MBNL2: variants seen among roughly 807,000 people sequenced by gnomAD.
The protein encoded by MBNL2 is muscleblind-like protein 2.
A neutral mutation model predicts 41.9 loss-of-function variants in MBNL2; 17 were observed. That is an observed-to-expected ratio of 0.41 (90% confidence interval 0.28 to 0.61). MBNL2 has a LOEUF of 0.61. Among genes scored for constraint, MBNL2 ranks in the 20% least tolerant of loss-of-function variants. The pLI, the probability that MBNL2 is intolerant of heterozygous loss-of-function variation, is 0.35. For synonymous variants in MBNL2, 195 were observed against 182.9 expected (o/e 1.07, Z -0.53); for missense variants, 336 against 505.6 (o/e 0.66, Z 3.22).
At chr13:97,270,552 G>A (rs1423001351) in intron 1 of MBNL2, among the ~76,000 whole-genome samples, 2 of 152,008 alleles carry the variant, frequency 1.3e-5, no homozygotes, top group African/African-American at 4.8e-5. Context: ...ACTGAATCAA[G>A]GGTGAGTTTT....
intron 8 of MBNL2, among the ~76,000 whole-genome samples, chr13:97,368,099 C>T (rs2064013510): frequency 6.6e-6 from 1 of 152,118 alleles, no homozygotes; most frequent in Non-Finnish European, 1.5e-5. Flanking sequence ...ATTTTTATTA[C>T]AAAGTCCTTT....
intron 1 of MBNL2, among the ~76,000 whole-genome samples, chr13:97,271,270 G>C (rs568624358): frequency 1.1e-4 from 16 of 151,682 alleles, no homozygotes; most frequent in African/African-American, 3.6e-4. Flanking sequence ...CGTGTGCCAG[G>C]CTAATTTTTG....
the MBNL2 span, among the ~76,000 whole-genome samples, chr13:97,143,652 G>A: frequency 1.4e-4 from 22 of 152,276 alleles, no homozygotes; most frequent in African/African-American, 4.8e-4. Flanking sequence ...ACGGATTTCC[G>A]TATAATTTTA....
At chr13:97,345,918 G>A (rs577422020) in intron 4 of MBNL2, among the ~76,000 whole-genome samples, 6 of 152,230 alleles carry the variant, frequency 3.9e-5, no homozygotes, top group African/African-American at 1.4e-4. Flanking sequence ...CATACAAGTA[G>A]GTGATTGAAG....
At chr13:97,213,644 C>G in the MBNL2 span, among the ~76,000 whole-genome samples, 1 of 151,968 alleles carries the variant, frequency 6.6e-6, no homozygotes, top group Non-Finnish European at 1.5e-5. Flanking sequence ...TCTCGGGGTC[C>G]CATCTACATC....
At chr13:97,265,497 GTC>G (rs1032086735) in intron 1 of MBNL2, among the ~76,000 whole-genome samples, 4 of 152,322 alleles carry the variant, frequency 2.6e-5, no homozygotes, top group African/African-American at 7.2e-5. Context: ...TTAGAAGACA[GTC>G]TATCAAGGGC....
At position 97,346,439 on chromosome 13, in the gene MBNL2, T is replaced by G. The variant is rs886321064; in HGVS notation, c.541-365T>G. On this transcript the variant is annotated intron_variant, in intron 4 of 8. Transcript: ENST00000679496. This position sits in a 1 kb window ranked among gnomAD's most constrained non-coding sequence, Gnocchi z 4.2. ...AGGAATGGATGCATGGATAAATAGA[T>G]AGATGATAGATATATGGATGGATGG... 6.6e-6 allele frequency among the ~76,000 whole-genome samples: 1 copy of G among 151,998 alleles called. No individual in the cohort carries two copies. The highest frequency in any genetic ancestry group is 2.1e-4 in the South Asian group (1 of 4,802).
At chr13:97,243,888 A>T (rs183288398) in intron 1 of MBNL2, among the ~76,000 whole-genome samples, 2 of 152,158 alleles carry the variant, frequency 1.3e-5, no homozygotes, top group Non-Finnish European at 2.9e-5. Context: ...GTTATCATTC[A>T]TCAGAAGTGG....
chr13:97,178,228 T>A, the MBNL2 span, among the ~76,000 whole-genome samples: 1 of 152,218 alleles, frequency 6.6e-6, no homozygotes, highest in African/African-American at 2.4e-5. Flanking sequence ...AGGATGACAC[T>A]GAGAATGGTT....
At chr13:97,383,421 T>C (rs1481612568) in intron 8 of MBNL2, among the ~76,000 whole-genome samples, 1 of 152,254 alleles carries the variant, frequency 6.6e-6, no homozygotes, top group African/African-American at 2.4e-5. Flanking sequence ...ACAGTATTAT[T>C]GCTTTTCATG....
chr13:97,271,644 A>T (rs116601798), intron 1 of MBNL2, among the ~76,000 whole-genome samples: 2,258 of 151,824 alleles, frequency 0.015, 78 homozygotes, highest in African/African-American at 0.052. Flanking sequence ...ATGTGTTCTC[A>T]GTGTTTAACT....
chr13:97,281,518 A>T (rs1234729282), intron 2 of MBNL2, among the ~76,000 whole-genome samples: 1 of 152,182 alleles, frequency 6.6e-6, no homozygotes, highest in Non-Finnish European at 1.5e-5. Flanking sequence ...TGTCAAGTGT[A>T]AGTTGCTCAT....
rs1398535842 is a variant in MBNL2, at chr13:97,393,180, CT to C, written c.*1734del. 10 of 152,482 alleles carry C rather than the reference CT, an allele frequency of 6.6e-5. No homozygotes were observed. The highest frequency in any genetic ancestry group is 1.3e-4 in the Admixed American group (2 of 15,266). The allele number at this position is 152,482 out of a possible 1,614,324, so 9.4% of individuals were successfully genotyped here. On this transcript the variant is annotated 3_prime_UTR_variant, in exon 9 of 9. Coordinates refer to ENST00000679496, the MANE Select transcript of MBNL2 (RefSeq NM_001382683.1). ...ACTTGTATTACTTTGGTAGTTTCAT[CT>C]TTATGTATTATTGATATTTGTAATT...
intron 8 of MBNL2, among the ~76,000 whole-genome samples, chr13:97,381,265 C>T (rs1188842527): frequency 1.3e-5 from 2 of 152,140 alleles, no homozygotes; most frequent in Admixed American, 1.3e-4. Flanking sequence ...AGACACATGT[C>T]CAAGTCCAGT....
At chr13:97,180,278 G>T in the MBNL2 span, among the ~76,000 whole-genome samples, 3 of 152,292 alleles carry the variant, frequency 2.0e-5, no homozygotes, top group African/African-American at 7.2e-5. Flanking sequence ...GATACTGGAG[G>T]AGGACCAAGT....
At chr13:97,368,547 G>A (rs935042008) in intron 8 of MBNL2, among the ~76,000 whole-genome samples, 1 of 152,166 alleles carries the variant, frequency 6.6e-6, no homozygotes, top group Non-Finnish European at 1.5e-5. Flanking sequence ...AAGAAGCCAA[G>A]ATAAAGAAAT....
intron 8 of MBNL2, among the ~76,000 whole-genome samples, chr13:97,389,575 G>A (rs1434002567): frequency 6.6e-6 from 1 of 151,932 alleles, no homozygotes; most frequent in Non-Finnish European, 1.5e-5. Context: ...GCATGGTGGT[G>A]CGTGGTTGTA....
chr13:97,363,059 A>G (rs570277216), intron 7 of MBNL2: 3 of 152,364 alleles, frequency 2.0e-5, no homozygotes, highest in African/African-American at 7.2e-5. Context: ...AGCTTCCGAG[A>G]TCAGACAAGA....
chr13:97,366,545 G>A lies in MBNL2; in HGVS notation c.1048+1374G>A. The stretch of plus-strand genomic sequence containing the variant: ...TGTCCCCTTCGCAGCAACAGCCACA[G>A]CCAATCAGGTTTGCTCCTTTTAAAG... On this transcript the variant is annotated intron_variant, in intron 8 of 8. Coordinates refer to ENST00000679496, the MANE Select transcript of MBNL2 (RefSeq NM_001382683.1). This position sits in a 1 kb window ranked among gnomAD's most constrained non-coding sequence, Gnocchi z 4.7. The A allele has an allele frequency of 1.2e-6, 2 of 1,609,002 alleles. No homozygotes were observed. Among genetic ancestry groups the A allele is most frequent in the Non-Finnish European group, 1.7e-6 (2 of 1,175,574 alleles).
Sources: allele counts gnomAD v4.1 joint callset (sites outside exome capture counted in the v4.1 genomes callset), GRCh38; gene constraint gnomAD v4.1.1; non-coding constraint Gnocchi (gnomAD v3.1); transcripts MANE v1.5; gene names NCBI Gene and HGNC (gene_info 2026-07-23, HGNC 2026-07-21).